Variants in TSPAN12 observed in about 807,000 individuals in gnomAD.
The protein encoded by TSPAN12 is tetraspanin-12.
A neutral mutation model predicts 39.2 loss-of-function variants in TSPAN12; 19 were observed. The ratio of observed to expected loss-of-function variants is 0.49; its 90% confidence interval spans 0.34 to 0.71. TSPAN12 has a LOEUF of 0.71. TSPAN12 is among the 30% of genes least tolerant of loss of function. The probability of loss-of-function intolerance (pLI) is 0.01; values close to 1 mark genes in which losing one functional copy is unlikely to be tolerated. For missense variants in TSPAN12, 314 were observed against 359.9 expected (o/e 0.87, Z 1.03); for synonymous variants, 119 against 124.8 (o/e 0.95, Z 0.31).
chr7:120,844,877 G>C (rs965627132), intron 2 of TSPAN12, among the ~76,000 whole-genome samples: 1 of 152,184 alleles, frequency 6.6e-6, no homozygotes, highest in Non-Finnish European at 1.5e-5. Flanking sequence ...GACTCTTTGT[G>C]GGGGCTCAAA....
rs1794911358 is a variant in TSPAN12 at position 120,858,051 on chromosome 7, G to A, written c.-302C>T. ...GCAGTTGCTGGAAAGTCTCTGCTAA[G>A]CCACCTCCCAGCGCCGCTGTCCCTC... On this transcript the variant is annotated 5_prime_UTR_variant, in exon 1 of 8. Coordinates refer to ENST00000222747, the MANE Select transcript of TSPAN12 (RefSeq NM_012338.4). 1 of 151,206 alleles carries A rather than the reference G, an allele frequency of 6.6e-6. No individual in the cohort carries two copies. The highest frequency in any genetic ancestry group is 2.1e-4 in the South Asian group (1 of 4,826). 9.4% of individuals were successfully genotyped at this position (151,206 alleles called of 1,614,324 possible). A position where few individuals can be genotyped will look rare whatever the true frequency, so the allele number is the denominator to read the frequency against.
chr7:120,838,709 T>C, intron 4 of TSPAN12, 68 bp downstream of exon 4: 1 of 1,531,052 alleles, frequency 6.5e-7, no homozygotes, highest in Admixed American at 1.7e-5. Context: ...TCTTGTGAAC[T>C]GATTAAAAAA....
intron 2 of TSPAN12, among the ~76,000 whole-genome samples, chr7:120,846,397 C>A (rs1431173365): frequency 1.3e-5 from 2 of 152,214 alleles, no homozygotes; most frequent in African/African-American, 2.4e-5. Flanking sequence ...GCTTTATAGG[C>A]TGTTTAGCCA....
At chr7:120,806,836 T>C (rs747455598) in intron 6 of TSPAN12, 144 bp from the exon 7 acceptor site, 215 of 1,042,550 alleles carry the variant, frequency 2.1e-4, no homozygotes, top group Non-Finnish European at 2.7e-4. Context: ...TCTATGTTGA[T>C]GATAGAAATG....
At chr7:120,809,560 T>C (rs1402260531) in intron 6 of TSPAN12, among the ~76,000 whole-genome samples, 3 of 152,156 alleles carry the variant, frequency 2.0e-5, no homozygotes, top group Admixed American at 6.5e-5. Context: ...TGAGCAGAGA[T>C]CTTGCTATCT....
chr7:120,849,176 C>T (rs1431556281), intron 2 of TSPAN12, among the ~76,000 whole-genome samples: 3 of 152,176 alleles, frequency 2.0e-5, no homozygotes, highest in Admixed American at 1.3e-4. Context: ...CAAAGTGTTA[C>T]TTGATAGAAA....
intron 4 of TSPAN12, among the ~76,000 whole-genome samples, chr7:120,833,609 G>T (rs1794427152): frequency 6.6e-6 from 1 of 152,088 alleles, no homozygotes; most frequent in Admixed American, 6.5e-5. Flanking sequence ...CTTTTAAAAT[G>T]ATTCATTTGT....
chr7:120,844,892 A>G (rs181077535), intron 2 of TSPAN12, among the ~76,000 whole-genome samples: 4 of 152,306 alleles, frequency 2.6e-5, no homozygotes, highest in Non-Finnish European at 5.9e-5. Context: ...CTCAAACCCC[A>G]CATTTCCCTT....
intron 5 of TSPAN12, chr7:120,814,060 A>T: frequency 2.7e-6 from 1 of 373,692 alleles, no homozygotes; most frequent in Non-Finnish European, 5.3e-6. Context: ...CATATGTGTG[A>T]GTGTGCCAAA....
intron 5 of TSPAN12, among the ~76,000 whole-genome samples, chr7:120,813,155 A>G (rs1794014996): frequency 2.0e-5 from 3 of 152,210 alleles, no homozygotes; most frequent in Admixed American, 6.5e-5. Flanking sequence ...CATTCTATGT[A>G]AAGGCTGGGT....
At chr7:120,792,242 C>A (rs1407384181) in intron 7 of TSPAN12, among the ~76,000 whole-genome samples, 3 of 152,198 alleles carry the variant, frequency 2.0e-5, no homozygotes, top group Non-Finnish European at 4.4e-5. Flanking sequence ...AGGCGCCTCT[C>A]CCGGAGGATT....
intron 3 of TSPAN12, among the ~76,000 whole-genome samples, chr7:120,839,313 G>A (rs1250627896): frequency 6.6e-6 from 1 of 152,004 alleles, no homozygotes; most frequent in Admixed American, 6.6e-5. Flanking sequence ...TGTGCACTAC[G>A]TTTCTTCTCC....
intron 2 of TSPAN12, among the ~76,000 whole-genome samples, chr7:120,855,099 T>TC (rs552758673): frequency 5.3e-5 from 8 of 152,330 alleles, no homozygotes; most frequent in Middle Eastern, 3.4e-3. Flanking sequence ...GGTTCTTTTT[T>TC]CCCACACAAT....
intron 4 of TSPAN12, among the ~76,000 whole-genome samples, chr7:120,833,595 TCTC>T (rs1340563456): frequency 1.3e-5 from 2 of 152,098 alleles, no homozygotes; most frequent in Non-Finnish European, 2.9e-5. Flanking sequence ...AAAAAGCACT[TCTC>T]CTTTTAAAAT....
intron 4 of TSPAN12, among the ~76,000 whole-genome samples, chr7:120,820,150 C>G (rs1794161983): frequency 6.6e-6 from 1 of 152,120 alleles, no homozygotes; most frequent in African/African-American, 2.4e-5. Context: ...CAAAGCAACT[C>G]ACCCTCTCTT....
At chr7:120,812,740 T>A (rs1211662590) in intron 5 of TSPAN12, among the ~76,000 whole-genome samples, 1 of 152,144 alleles carries the variant, frequency 6.6e-6, no homozygotes, top group East Asian at 1.9e-4. Context: ...TTCAAGCTAC[T>A]CACCATAAAT....
chr7:120,850,761 C>T (rs1794756193), intron 2 of TSPAN12, among the ~76,000 whole-genome samples: 2 of 151,594 alleles, frequency 1.3e-5, no homozygotes, highest in African/African-American at 4.9e-5. Flanking sequence ...ACGATCTTGG[C>T]TCACTGCAAT....
At chr7:120,846,923 A>G (rs2116490652) in intron 2 of TSPAN12, among the ~76,000 whole-genome samples, 1 of 152,332 alleles carries the variant, frequency 6.6e-6, no homozygotes, top group South Asian at 2.1e-4. Context: ...GGTTGAAAAT[A>G]ACCTTCTGGT....
chr7:120,836,307 C>T (rs939571322), intron 4 of TSPAN12, among the ~76,000 whole-genome samples: 4 of 152,062 alleles, frequency 2.6e-5, no homozygotes, highest in African/African-American at 4.8e-5. Context: ...TAGGTCTAGA[C>T]AGAGTAAGGA....
Sources: gnomAD v4.1 joint callset for allele counts (sites outside exome capture counted in the v4.1 genomes callset) on GRCh38, gnomAD v4.1.1 for gene constraint, MANE v1.5 for transcripts, NCBI Gene and HGNC (gene_info 2026-07-23, HGNC 2026-07-21) for gene names.